Variants in PRELID3A observed in about 807,000 individuals in gnomAD.
PRELID3A encodes PRELI domain containing protein 3A.
In PRELID3A, 27 loss-of-function variants were observed where a neutral mutation model predicts 23.0. The observed-to-expected ratio is 1.17, with a 90% CI of 0.87 to 1.62. PRELID3A has a LOEUF of 1.62. Ranked by LOEUF, PRELID3A falls within the 40% of genes most tolerant of loss-of-function variation. The probability of loss-of-function intolerance (pLI) is 0.00; values close to 1 mark genes in which losing one functional copy is unlikely to be tolerated. For missense variants in PRELID3A, 231 were observed against 231.4 expected, an observed-to-expected ratio of 1.00 and a Z score of 0.01; for synonymous variants, 87 against 86.4, an observed-to-expected ratio of 1.01 and a Z score of -0.04.
intron 1 of PRELID3A, among the ~76,000 whole-genome samples, chr18:12,408,548 G>T (rs1478610160): frequency 6.6e-6 from 1 of 152,202 alleles, no homozygotes; most frequent in Non-Finnish European, 1.5e-5. Context: ...TCACTTGTAG[G>T]CATGGAAGGC....
At chr18:12,419,993 A>C in intron 1 of PRELID3A, 1 of 451,274 alleles carries the variant, frequency 2.2e-6, no homozygotes, top group East Asian at 5.4e-5. Context: ...AGGTGGGGCA[A>C]GAGGAGGCTG....
rs777039649 is a variant in PRELID3A, at chr18:12,427,260, G to C, written c.402G>C (p.Gly134=). ...LTQEAIITVK[G]ISLGSYLESL... ...AAGAAGCCATCATCACTGTGAAGGG[G>C]ATTAGCCTTGGTAGTTATTTGGAAA... Residue 134 remains glycine (G), a synonymous_variant, in exon 5 of 7, where the codon GGG becomes GGC. Transcript: ENST00000440960. 3.7e-6 allele frequency: 6 copies of C among 1,614,166 alleles called. No homozygotes were observed. The South Asian group carries it at 5.5e-5, about 15-fold the overall frequency.
chr18:12,430,468 GTA>G (rs1258795918), intron 6 of PRELID3A, among the ~76,000 whole-genome samples: 3 of 150,244 alleles, frequency 2.0e-5, no homozygotes, highest in Admixed American at 6.7e-5. Flanking sequence ...TGTGCTGTGT[GTA>G]TATATGTGGT....
rs550628103 is a variant in PRELID3A at position 12,412,344 on chromosome 18, C to T, written c.32+4337C>T. ...CTGGGATTACAAGCACCTGCTACCA[C>T]GCCCAGCTAATTTTTGTATTTTTAG... On this transcript the variant is annotated intron_variant, in intron 1 of 6. Transcript: ENST00000440960. Among the ~76,000 whole-genome samples, 51 of 152,186 alleles carry T rather than the reference C, an allele frequency of 3.4e-4. No individual in the cohort carries two copies. In the East Asian group the frequency reaches 6.4e-3, roughly 19 times the overall value.
rs1249669963 is a variant in PRELID3A at position 12,427,092 on chromosome 18, C to T, written c.343C>T (p.His115Tyr). 3 of 1,613,398 alleles carry T rather than the reference C, an allele frequency of 1.9e-6. No individual in the cohort carries two copies. The highest frequency in any genetic ancestry group is 1.3e-5 in the African/African-American group (1 of 75,032). The change falls in exon 4 of 7, where the codon CAT (histidine) becomes TAT (tyrosine). Residue 115 changes from histidine to tyrosine, a missense_variant. Coordinates refer to ENST00000440960, the MANE Select transcript of PRELID3A (RefSeq NM_001142405.2). ...TAATGAGAGGTTGGTGTACACACCT[C>T]ATCCAGAGAACCCAGAAATGTGAGT... Reference protein sequence around the residue: ...SVNERLVYTPHPENPEMTVLT... With the variant: ...SVNERLVYTPYPENPEMTVLT...
chr18:12,409,423 T>A (rs377592828), intron 1 of PRELID3A, among the ~76,000 whole-genome samples: 19 of 152,140 alleles, frequency 1.2e-4, no homozygotes, highest in Non-Finnish European at 2.6e-4. Context: ...CGCCTCGGCC[T>A]CCCAAAGTGC....
At chr18:12,416,295 G>T (rs570349636) in intron 1 of PRELID3A, among the ~76,000 whole-genome samples, 2 of 151,180 alleles carry the variant, frequency 1.3e-5, no homozygotes, top group African/African-American at 2.5e-5. Flanking sequence ...GTTCTTTCTG[G>T]GTTTTTGTTG....
At chr18:12,411,477 A>G (rs2143320867) in intron 1 of PRELID3A, among the ~76,000 whole-genome samples, 1 of 151,832 alleles carries the variant, frequency 6.6e-6, no homozygotes, top group East Asian at 1.9e-4. Flanking sequence ...AAAAAAAAAA[A>G]AAAAAAAAGG....
At chr18:12,420,200 A>G (rs553475606) in intron 1 of PRELID3A, 125 bp from the exon 2 acceptor site, 1,767 of 1,445,138 alleles carry the variant, frequency 1.2e-3, no homozygotes, top group Non-Finnish European at 1.5e-3. Flanking sequence ...GATTTGTCGG[A>G]CCAGCCTTTC....
chr18:12,408,040 T>A (rs1335781584), intron 1 of PRELID3A, 33 bp downstream of exon 1: 1 of 1,247,796 alleles, frequency 8.0e-7, no homozygotes, highest in Admixed American at 4.2e-5. Context: ...GGTGGGGCCG[T>A]CCAGACGCCG....
At chr18:12,408,988 C>A (rs977323701) in intron 1 of PRELID3A, among the ~76,000 whole-genome samples, 2 of 152,062 alleles carry the variant, frequency 1.3e-5, no homozygotes, top group Non-Finnish European at 2.9e-5. Context: ...TGAAATTATT[C>A]TTTAATGTTT....
rs1280271746 is a variant in PRELID3A, at chr18:12,432,220, T to A, written c.*1104T>A. ...CTTCCCTTCTTTTATTAAACACAGA[T>A]AGGTTTATGCTGGATAAACCGTTTC... On this transcript the variant is annotated 3_prime_UTR_variant, in exon 7 of 7. Coordinates refer to ENST00000440960, the MANE Select transcript of PRELID3A (RefSeq NM_001142405.2). The A allele has an allele frequency of 2.0e-5, 3 of 152,380 alleles. No individual in the cohort carries two copies. Among genetic ancestry groups the A allele is most frequent in the Admixed American group, 1.3e-4 (2 of 15,312 alleles). 9.4% of individuals were successfully genotyped at this position (152,380 alleles called of 1,614,324 possible).
At chr18:12,410,024 C>A (rs1320754198) in intron 1 of PRELID3A, among the ~76,000 whole-genome samples, 1 of 152,224 alleles carries the variant, frequency 6.6e-6, no homozygotes, top group Non-Finnish European at 1.5e-5. Flanking sequence ...CTGCCCCAGG[C>A]AACCAGGAAT....
intron 1 of PRELID3A, among the ~76,000 whole-genome samples, chr18:12,409,842 CT>C (rs35255125): frequency 0.019 from 2,945 of 152,126 alleles, 49 homozygotes; most frequent in Non-Finnish European, 0.024. Flanking sequence ...TTTTTTTAAG[CT>C]TTACCGAAGG....
intron 6 of PRELID3A, among the ~76,000 whole-genome samples, chr18:12,429,810 G>A (rs965288666): frequency 3.0e-4 from 45 of 152,366 alleles, no homozygotes; most frequent in African/African-American, 1.1e-3. Context: ...ATCTGCATCT[G>A]CTGCTGTGAG....
intron 3 of PRELID3A, 36 bp downstream of exon 3, chr18:12,421,665 G>A: frequency 7.1e-7 from 1 of 1,415,910 alleles, no homozygotes; most frequent in South Asian, 1.1e-5. Context: ...CGGGCTCAGT[G>A]TGTCTGGGTG....
At chr18:12,408,033 G>T in intron 1 of PRELID3A, 26 bp downstream of exon 1, 1 of 1,253,698 alleles carries the variant, frequency 8.0e-7, no homozygotes, top group South Asian at 3.2e-5. Flanking sequence ...GGGCCGCGGT[G>T]GGGCCGTCCA....
chr18:12,429,407 G>A lies in PRELID3A; in HGVS notation c.*4G>A. ...CTCTGAAAGCGCTGTGAGCTAAGGA[G>A]GCCTGTGCCTGTGCTTGTCATAAAT... On this transcript the variant is annotated 3_prime_UTR_variant, in exon 6 of 7. Transcript: ENST00000440960. 6.2e-7 allele frequency: 1 copy of A among 1,613,438 alleles called. No individual in the cohort carries two copies. Among genetic ancestry groups the A allele is most frequent in the Non-Finnish European group, 8.5e-7 (1 of 1,179,664 alleles).
chr18:12,430,792 A>G (rs2030563434), intron 6 of PRELID3A, among the ~76,000 whole-genome samples: 2 of 139,484 alleles, frequency 1.4e-5, no homozygotes. Context: ...TATGATGTGC[A>G]TGTGTGTGAT....
Sources: gnomAD v4.1 joint callset for allele counts (sites outside exome capture counted in the v4.1 genomes callset) on GRCh38, gnomAD v4.1.1 for gene constraint, MANE v1.5 for transcripts, NCBI Gene and HGNC (gene_info 2026-07-23, HGNC 2026-07-21) for gene names.